Variants in TEX9 observed in about 807,000 individuals in gnomAD.
TEX9 encodes testis-expressed protein 9.
A neutral mutation model predicts 59.6 loss-of-function variants in TEX9; 74 were observed. That is an observed-to-expected ratio of 1.24 (90% CI 1.03 to 1.51). The LOEUF is 1.51. Among genes scored for constraint, TEX9 ranks in the 40% most tolerant of loss-of-function variants. TEX9 has a pLI of 0.00. For synonymous variants in TEX9, 186 were observed against 152.2 expected (o/e 1.22, Z -1.64); for missense variants, 522 against 447.8 (o/e 1.17, Z -1.49).
chr15:56,413,212 A>ATTAAATAATTTAATTTATTTAATAC (rs777420313), intron 10 of TEX9, among the ~76,000 whole-genome samples: 36 of 146,684 alleles, frequency 2.5e-4, no homozygotes, highest in African/African-American at 7.1e-4. Flanking sequence ...ATATTTAATA[A>ATTAAATAATTTAATTTATTTAATAC]TTAAATAATT....
chr15:56,425,772 T>G (rs933225118), intron 10 of TEX9, among the ~76,000 whole-genome samples: 24 of 152,162 alleles, frequency 1.6e-4, no homozygotes, highest in African/African-American at 5.1e-4. Flanking sequence ...TTTCCCTGTT[T>G]CTTTGAATGT....
At chr15:56,249,838 C>T (rs1322826362) in intron 1 of TEX9, among the ~76,000 whole-genome samples, 5 of 143,008 alleles carry the variant, frequency 3.5e-5, no homozygotes, top group Non-Finnish European at 6.1e-5. Context: ...TGTAGAAAAT[C>T]AAAGATTGGG....
At chr15:56,400,335 C>A (rs143505852) in intron 9 of TEX9, among the ~76,000 whole-genome samples, 1 of 152,018 alleles carries the variant, frequency 6.6e-6, no homozygotes, top group African/African-American at 2.4e-5. Context: ...CTCCGTGATG[C>A]GTGGACAAGC....
exon 3 of TEX9, chr15:56,373,442 C>T (rs775480026): frequency 2.0e-5 from 31 of 1,586,412 alleles, no homozygotes; most frequent in Non-Finnish European, 2.6e-5. Context: ...TGCTTTTAGG[C>T]GTTTAAATGC....
chr15:56,346,737 A>G (rs2046478284), intron 1 of TEX9, among the ~76,000 whole-genome samples: 1 of 152,232 alleles, frequency 6.6e-6, no homozygotes, highest in African/African-American at 2.4e-5. Context: ...AGACAGCACA[A>G]TAAGCCAAGA....
intron 12 of TEX9, among the ~76,000 whole-genome samples, chr15:56,438,896 A>T (rs1259527389): frequency 6.6e-6 from 1 of 152,136 alleles, no homozygotes; most frequent in Non-Finnish European, 1.5e-5. Flanking sequence ...AGGAAAGGTG[A>T]TGTCTACTCT....
At chr15:56,436,825 C>G (rs533892618) in intron 12 of TEX9, among the ~76,000 whole-genome samples, 2 of 152,268 alleles carry the variant, frequency 1.3e-5, no homozygotes, top group East Asian at 1.9e-4. Flanking sequence ...CTATAAACAC[C>G]TCTACGCAAA....
At chr15:56,408,391 A>G (rs372516806) in intron 9 of TEX9, 2 of 152,282 alleles carry the variant, frequency 1.3e-5, no homozygotes, top group East Asian at 1.9e-4. Flanking sequence ...GAGCACCACA[A>G]TCATGATTCT....
At chr15:56,370,695 AT>A (rs1245943706) in intron 2 of TEX9, among the ~76,000 whole-genome samples, 1 of 152,114 alleles carries the variant, frequency 6.6e-6, no homozygotes, top group African/African-American at 2.4e-5. Context: ...TGAAATAATG[AT>A]TTGGTAGTTT....
At chr15:56,316,396 T>G (rs1369877254) in intron 1 of TEX9, among the ~76,000 whole-genome samples, 1 of 150,346 alleles carries the variant, frequency 6.7e-6, no homozygotes, top group African/African-American at 2.4e-5. Flanking sequence ...GCAGGTCTGT[T>G]GGAGTACCCT....
At chr15:56,324,641 T>C (rs1179597211) in intron 1 of TEX9, among the ~76,000 whole-genome samples, 1 of 152,188 alleles carries the variant, frequency 6.6e-6, no homozygotes, top group Non-Finnish European at 1.5e-5. Flanking sequence ...GGAAATGTGG[T>C]GAACTCATTA....
intron 1 of TEX9, among the ~76,000 whole-genome samples, chr15:56,306,280 G>GAAAAAAAAAAAAAA (rs2045484308): frequency 1.5e-4 from 11 of 72,052 alleles, no homozygotes; most frequent in Admixed American, 2.7e-4. Flanking sequence ...AAAAAAAAAG[G>GAAAAAAAAAAAAAA]AAATCAGTGT....
intron 1 of TEX9, among the ~76,000 whole-genome samples, chr15:56,316,372 G>C (rs1222584618): frequency 3.3e-5 from 5 of 151,916 alleles, no homozygotes; most frequent in African/African-American, 7.2e-5. Flanking sequence ...TTCTTACAGA[G>C]AGGACCCTCA....
At chr15:56,422,519 A>G (rs536068409) in intron 10 of TEX9, among the ~76,000 whole-genome samples, 2 of 151,786 alleles carry the variant, frequency 1.3e-5, no homozygotes, top group Admixed American at 6.5e-5. Flanking sequence ...TTATCACTGT[A>G]TACCTCCAAG....
chr15:56,256,537 A>G (rs2141322294), intron 1 of TEX9, among the ~76,000 whole-genome samples: 1 of 152,170 alleles, frequency 6.6e-6, no homozygotes, highest in Admixed American at 6.6e-5. Context: ...TTACTAAAGG[A>G]AAAAAACATG....
chr15:56,432,326 C>A (rs1386908263), intron 12 of TEX9, among the ~76,000 whole-genome samples: 1 of 152,138 alleles, frequency 6.6e-6, no homozygotes, highest in East Asian at 1.9e-4. Context: ...AGGACAAATT[C>A]TGAATAGCTT....
At chr15:56,271,936 C>T (rs2713930) in intron 1 of TEX9, among the ~76,000 whole-genome samples, 1 of 151,834 alleles carries the variant, frequency 6.6e-6, no homozygotes, top group African/African-American at 2.4e-5. Context: ...GTCAGGAGAT[C>T]GAGACCATCC....
chr15:56,307,341 T>C (rs1249694747), intron 1 of TEX9, among the ~76,000 whole-genome samples: 1 of 152,188 alleles, frequency 6.6e-6, no homozygotes. Context: ...CCCCATGCTT[T>C]ACTGCAGCTC....
At chr15:56,303,408 T>G (rs951585223) in intron 1 of TEX9, among the ~76,000 whole-genome samples, 15 of 152,176 alleles carry the variant, frequency 9.9e-5, no homozygotes, top group African/African-American at 3.4e-4. Flanking sequence ...ATTTGGAAAC[T>G]ATACAGATAC....
Sources: allele counts gnomAD v4.1 joint callset (sites outside exome capture counted in the v4.1 genomes callset), GRCh38; gene constraint gnomAD v4.1.1; transcripts MANE v1.5; gene names NCBI Gene and HGNC (gene_info 2026-07-23, HGNC 2026-07-21).